The following HDX variants were observed in gnomAD, a reference collection of about 807,000 sequenced individuals.
HDX encodes the protein highly divergent homeobox.
Under a neutral mutation model 45.2 loss-of-function variants are expected in HDX, and 19 were observed. The ratio of observed to expected loss-of-function variants is 0.42; its 90% CI spans 0.29 to 0.62. The LOEUF is 0.62. Among genes scored for constraint, HDX ranks in the 20% least tolerant of loss-of-function variants. The probability of loss-of-function intolerance (pLI) is 0.20; values close to 1 mark genes in which losing one functional copy is unlikely to be tolerated. For synonymous variants in HDX, 188 were observed against 172.8 expected (o/e 1.09, Z -0.69); for missense variants, 532 against 493.9 (o/e 1.08, Z -0.73).
At chrX:84,369,327 A>G (rs761062309) in intron 5 of HDX, among the ~76,000 whole-genome samples, 1 of 111,810 alleles carries the variant, frequency 8.9e-6, no homozygotes, top group East Asian at 2.8e-4. Context: ...TCATTGATGG[A>G]TATTTAGATT....
At chrX:84,358,470 A>AT (rs1299838476) in intron 6 of HDX, among the ~76,000 whole-genome samples, 3 of 111,324 alleles carry the variant, frequency 2.7e-5, no homozygotes, top group East Asian at 2.8e-4. Flanking sequence ...CTCTTCAGTC[A>AT]TTTTTTTTCT....
intron 2 of HDX, among the ~76,000 whole-genome samples, chrX:84,485,668 G>A (rs1264517409): frequency 2.7e-5 from 3 of 112,152 alleles, no homozygotes; most frequent in Non-Finnish European, 3.8e-5. Flanking sequence ...AAAGTGCTAG[G>A]ATCACTGGTG....
intron 4 of HDX, among the ~76,000 whole-genome samples, chrX:84,441,278 T>C (rs898652847): frequency 9.0e-6 from 1 of 111,661 alleles, no homozygotes; most frequent in Non-Finnish European, 1.9e-5. Context: ...AAGCAAGAGA[T>C]GACTTCATAA....
chrX:84,409,045 A>G (rs1766042689), intron 5 of HDX, among the ~76,000 whole-genome samples: 1 of 111,260 alleles, frequency 9.0e-6, no homozygotes, highest in African/African-American at 3.3e-5. Context: ...AAACAACCCC[A>G]TCAAAAAGTG....
At chrX:84,341,493 C>T (rs1278793569) in intron 7 of HDX, among the ~76,000 whole-genome samples, 1 of 110,552 alleles carries the variant, frequency 9.0e-6, no homozygotes. Context: ...CTGATCTTAA[C>T]ATGCATGGCC....
intron 5 of HDX, 140 bp from the exon 6 acceptor site, chrX:84,361,752 C>T (rs1480780226): frequency 3.1e-5 from 12 of 385,784 alleles, no homozygotes; most frequent in Non-Finnish European, 1.3e-5. Context: ...TCAGTCCTCC[C>T]GTTCTGAAAA....
intron 6 of HDX, among the ~76,000 whole-genome samples, chrX:84,361,130 G>A (rs183822939): frequency 9.0e-5 from 10 of 111,619 alleles, no homozygotes; most frequent in Non-Finnish European, 1.7e-4. Context: ...GCAACTTGTG[G>A]TTTTTATTTT....
intron 5 of HDX, among the ~76,000 whole-genome samples, chrX:84,415,713 A>T (rs1297534195): frequency 8.9e-6 from 1 of 112,022 alleles, no homozygotes; most frequent in Non-Finnish European, 1.9e-5. Flanking sequence ...ATTTCATCTG[A>T]TGTGTTTTCT....
At chrX:84,331,197 G>A (rs2036835691) in intron 9 of HDX, among the ~76,000 whole-genome samples, 1 of 111,284 alleles carries the variant, frequency 9.0e-6, no homozygotes, top group African/African-American at 3.3e-5. Context: ...AACATTTTGT[G>A]TTATTTAGAA....
At chrX:84,458,246 A>G (rs755650341) in intron 4 of HDX, among the ~76,000 whole-genome samples, 1 of 109,837 alleles carries the variant, frequency 9.1e-6, no homozygotes, top group South Asian at 3.9e-4. Flanking sequence ...ATTTAGTTCA[A>G]TCCCCCAGAA....
chrX:84,423,063 TACA>T (rs1041677363), intron 5 of HDX, among the ~76,000 whole-genome samples: 1 of 110,454 alleles, frequency 9.1e-6, no homozygotes, highest in African/African-American at 3.3e-5. Context: ...AATAAGACAT[TACA>T]ACTGATACTG....
chrX:84,359,756 A>C (rs757648976), intron 6 of HDX, among the ~76,000 whole-genome samples: 144 of 111,832 alleles, frequency 1.3e-3, no homozygotes, highest in Non-Finnish European at 1.8e-3. Context: ...TAAGTCTTTG[A>C]GGAATCACCA....
intron 5 of HDX, among the ~76,000 whole-genome samples, chrX:84,372,317 T>C (rs979462868): frequency 1.8e-5 from 2 of 111,907 alleles, no homozygotes; most frequent in East Asian, 5.6e-4. Context: ...AGGTTACCCA[T>C]ATATATATTT....
chrX:84,354,955 A>G (rs2037444601), intron 6 of HDX, among the ~76,000 whole-genome samples: 2 of 93,770 alleles, frequency 2.1e-5, no homozygotes, highest in South Asian at 1.1e-3. Flanking sequence ...ATATATATAT[A>G]TATATATATA....
chrX:84,475,223 A>T, intron 3 of HDX, 28 bp downstream of exon 3: 1 of 1,155,205 alleles, frequency 8.7e-7, no homozygotes, highest in Non-Finnish European at 1.2e-6. Context: ...AGAAGCTTTA[A>T]ATTTGAGTGT....
At chrX:84,450,104 A>T (rs1232780168) in intron 4 of HDX, among the ~76,000 whole-genome samples, 1 of 78,507 alleles carries the variant, frequency 1.3e-5, no homozygotes, top group East Asian at 3.2e-4. Flanking sequence ...TTAAAGTATA[A>T]TAAAAAAAAA....
chrX:84,431,893 C>T (rs776391292), intron 5 of HDX, among the ~76,000 whole-genome samples: 24 of 111,151 alleles, frequency 2.2e-4, no homozygotes, highest in Non-Finnish European at 4.0e-4. Flanking sequence ...TTGGCATTTT[C>T]ATCATGAAGT....
intron 5 of HDX, among the ~76,000 whole-genome samples, chrX:84,412,564 G>A (rs774082341): frequency 9.0e-6 from 1 of 111,355 alleles, no homozygotes; most frequent in African/African-American, 3.3e-5. Context: ...AGTTCCCTTT[G>A]TAGGTAAACT....
chrX:84,486,227 C>G (rs2040787389), intron 2 of HDX, among the ~76,000 whole-genome samples: 1 of 110,394 alleles, frequency 9.1e-6, no homozygotes, highest in South Asian at 3.8e-4. Flanking sequence ...TCTATTTTTT[C>G]TTTTTACACA....
Sources: gnomAD v4.1 joint callset for allele counts (sites outside exome capture counted in the v4.1 genomes callset) on GRCh38, gnomAD v4.1.1 for gene constraint, MANE v1.5 for transcripts, NCBI Gene and HGNC (gene_info 2026-07-23, HGNC 2026-07-21) for gene names.